Variants in NIPSNAP3B observed in about 807,000 individuals in gnomAD.
NIPSNAP3B encodes the protein nipsnap homolog 3B.
Under a neutral mutation model 31.5 loss-of-function variants are expected in NIPSNAP3B, and 30 were observed. That is an observed-to-expected ratio of 0.95 (90% CI 0.71 to 1.29). NIPSNAP3B has a LOEUF of 1.29. NIPSNAP3B is among the 50% of genes most tolerant of loss of function. NIPSNAP3B has a pLI of 0.00. For synonymous variants in NIPSNAP3B, 106 were observed against 107.9 expected, an observed-to-expected ratio of 0.98 and a Z score of 0.11; for missense variants, 269 against 300.7, an observed-to-expected ratio of 0.89 and a Z score of 0.78.
chr9:104,770,887 G>T lies in NIPSNAP3B; in HGVS notation c.469G>T (p.Gly157Trp). The T allele has an allele frequency of 6.2e-7, 1 of 1,613,676 alleles. No individual in the cohort carries two copies. ...ELAVFQMKPGGPALWGDAFER... is the reference protein window; with the variant it reads ...ELAVFQMKPGWPALWGDAFER... ...AGCTGTTTTTCAGATGAAACCTGGT[G>T]GGCCAGCTCTGTGGGGTGATGCATT... Residue 157 changes from glycine to tryptophan, a missense_variant, in exon 4 of 6, where the codon GGG (glycine) becomes TGG (tryptophan). Coordinates refer to ENST00000374762, the MANE Select transcript of NIPSNAP3B (RefSeq NM_018376.4).
At chr9:104,789,037 T>C in the NIPSNAP3B span, among the ~76,000 whole-genome samples, 2 of 152,240 alleles carry the variant, frequency 1.3e-5, no homozygotes, top group Non-Finnish European at 2.9e-5. Flanking sequence ...TGGGGTTCTA[T>C]GAAGCCAGTC....
the NIPSNAP3B span, among the ~76,000 whole-genome samples, chr9:104,790,273 A>C: frequency 6.6e-6 from 1 of 152,188 alleles, no homozygotes; most frequent in African/African-American, 2.4e-5. Flanking sequence ...AGAGAGGGCA[A>C]TTTACTTTGT....
downstream of NIPSNAP3B, among the ~76,000 whole-genome samples, chr9:104,779,917 G>C (rs1828433689): frequency 6.6e-6 from 1 of 152,170 alleles, no homozygotes; most frequent in Admixed American, 6.5e-5. Flanking sequence ...TGTAGTACCA[G>C]CTACTTGGGA....
chr9:104,779,621 G>GGTT (rs1828415386), downstream of NIPSNAP3B, among the ~76,000 whole-genome samples: 1 of 147,144 alleles, frequency 6.8e-6, no homozygotes. Flanking sequence ...AGCTAAGTGG[G>GGTT]TTTTTTTTTT....
In NIPSNAP3B at chr9:104,777,403, T is replaced by C. The variant is rs1828359221; in HGVS notation, c.*4330T>C. 1.3e-5 allele frequency: 2 copies of C among 152,256 alleles called. No homozygotes were observed. The highest frequency in any genetic ancestry group is 4.8e-5 in the African/African-American group (2 of 41,464). The allele number at this position is 152,256 out of a possible 1,614,324, so 9.4% of individuals were successfully genotyped here. A position where few individuals can be genotyped will look rare whatever the true frequency, so the allele number is the denominator to read the frequency against. ...CATAACTGCTGTCACCTAGAATGTCTATTCTCTAAGCACCTTCTTGAAAGA... is the reference window on the plus strand; with the variant it reads ...CATAACTGCTGTCACCTAGAATGTCCATTCTCTAAGCACCTTCTTGAAAGA... On this transcript the variant is annotated 3_prime_UTR_variant, in exon 6 of 6. Coordinates refer to ENST00000374762, the MANE Select transcript of NIPSNAP3B (RefSeq NM_018376.4).
rs137948744 is a variant in NIPSNAP3B, at chr9:104,772,184, T to C, written c.581-638T>C. On this transcript the variant is annotated intron_variant, in intron 4 of 5. Coordinates refer to ENST00000374762, the MANE Select transcript of NIPSNAP3B (RefSeq NM_018376.4). ...TCTCCCATTCTGGAGGTTGTCTGTT[T>C]ACTCTGTTGACAGTTTTTTTTTTGT... Among the ~76,000 whole-genome samples the C allele has an allele frequency of 7.4e-3, 1,130 of 151,762 alleles. 11 individuals carry two copies. The highest frequency in any genetic ancestry group is 0.026 in the African/African-American group (1,083 of 41,418).
At chr9:104,786,858 G>A in the NIPSNAP3B span, 1 of 1,605,470 alleles carries the variant, frequency 6.2e-7, no homozygotes. Context: ...AGGAACCCAA[G>A]ACTTTACTAC....
chr9:104,774,462 C>T lies in NIPSNAP3B; in HGVS notation c.*1389C>T, dbSNP rs1054843464. ...TGAGGCACAAGTATGTGGTTAACTA[C>T]ACATAAATTACCAATAAAATTAAAA... On this transcript the variant is annotated 3_prime_UTR_variant, in exon 6 of 6. Coordinates refer to ENST00000374762, the MANE Select transcript of NIPSNAP3B (RefSeq NM_018376.4). Among the ~76,000 whole-genome samples the T allele has an allele frequency of 6.6e-6, 1 of 152,178 alleles. No individual in the cohort carries two copies. The highest frequency in any genetic ancestry group is 1.5e-5 in the Non-Finnish European group (1 of 68,044).
chr9:104,790,120 C>G, the NIPSNAP3B span, among the ~76,000 whole-genome samples: 1 of 151,014 alleles, frequency 6.6e-6, no homozygotes, highest in Non-Finnish European at 1.5e-5. Context: ...CCCAGAGAAG[C>G]CCCACATATT....
rs1484279366 is a variant in NIPSNAP3B at position 104,774,129 on chromosome 9, C to T, written c.*1056C>T. 3 of 152,140 alleles carry T rather than the reference C, an allele frequency of 2.0e-5. No individual in the cohort carries two copies. The highest frequency in any genetic ancestry group is 4.4e-5 in the Non-Finnish European group (3 of 68,028). The allele number at this position is 152,140 out of a possible 1,614,324, so 9.4% of individuals were successfully genotyped here. On this transcript the variant is annotated 3_prime_UTR_variant, in exon 6 of 6. Coordinates refer to ENST00000374762, the MANE Select transcript of NIPSNAP3B (RefSeq NM_018376.4). ...TATATTTACAGCTATATTATATTTACATTTTTACAGACTATCTTCTGATAA... is the reference window on the plus strand; with the variant it reads ...TATATTTACAGCTATATTATATTTATATTTTTACAGACTATCTTCTGATAA...
Position 104,764,192 on chromosome 9 carries a change from TCTCACAAAG to T in NIPSNAP3B, c.-48_-40del. 6.5e-7 allele frequency: 1 copy of T among 1,549,078 alleles called. No individual in the cohort carries two copies. Among genetic ancestry groups the T allele is most frequent in the East Asian group, 2.3e-5 (1 of 42,950 alleles). On this transcript the variant is annotated 5_prime_UTR_variant, in exon 1 of 6. Coordinates refer to ENST00000374762, the MANE Select transcript of NIPSNAP3B (RefSeq NM_018376.4). ...TCCACTCGGGAAGACTTCAGAGAAG[TCTCACAAAG>T]GACTCGGCTGGCTGCTTTTCTCAGT...
At chr9:104,770,687 A>G (rs1242647154) in intron 3 of NIPSNAP3B, among the ~76,000 whole-genome samples, 162 bp from the exon 4 acceptor site, 1 of 152,256 alleles carries the variant, frequency 6.6e-6, no homozygotes, top group Non-Finnish European at 1.5e-5. Flanking sequence ...ACATAAAAGC[A>G]AAGAAAAATA....
rs1375419142 is a variant in NIPSNAP3B at position 104,773,918 on chromosome 9, T to C, written c.*845T>C. 2 of 152,312 alleles carry C rather than the reference T, an allele frequency of 1.3e-5. No homozygotes were observed. Among genetic ancestry groups the C allele is most frequent in the East Asian group, 1.9e-4 (1 of 5,190 alleles). 9.4% of individuals were successfully genotyped at this position (152,312 alleles called of 1,614,324 possible). A position where few individuals can be genotyped will look rare whatever the true frequency, so the allele number is the denominator to read the frequency against. On this transcript the variant is annotated 3_prime_UTR_variant, in exon 6 of 6. Coordinates refer to ENST00000374762, the MANE Select transcript of NIPSNAP3B (RefSeq NM_018376.4). ...GCTATGTTGCTATAAGACAGTAATA[T>C]AGTGATAATTTACCAACTTTATTGA...
At chr9:104,778,237 A>G (rs577399339), downstream of NIPSNAP3B, among the ~76,000 whole-genome samples, 71 of 151,032 alleles carry the variant, frequency 4.7e-4, no homozygotes, top group Non-Finnish European at 9.0e-4. Context: ...TAACTTGCAC[A>G]CTTTTTTTTT....
chr9:104,786,248 A>AT, the NIPSNAP3B span: 5 of 1,420,946 alleles, frequency 3.5e-6, no homozygotes, highest in Non-Finnish European at 4.0e-6. Flanking sequence ...AAAAGAATAA[A>AT]TATCAAGCCT....
At chr9:104,768,757 G>T (rs1828140289) in intron 2 of NIPSNAP3B, 106 bp from the exon 3 acceptor site, 13 of 850,624 alleles carry the variant, frequency 1.5e-5, no homozygotes, top group Non-Finnish European at 2.3e-5. Context: ...TAATAACATG[G>T]GGTTCCCATA....
the NIPSNAP3B span, chr9:104,785,585 C>T: frequency 6.2e-7 from 1 of 1,614,156 alleles, no homozygotes; most frequent in Non-Finnish European, 8.5e-7. Flanking sequence ...GGACAGGCTT[C>T]AGGTCCGGGT....
chr9:104,771,527 G>A (rs10120882), intron 4 of NIPSNAP3B, among the ~76,000 whole-genome samples: 3,613 of 152,194 alleles, frequency 0.024, 164 homozygotes, highest in East Asian at 0.22. Context: ...CTACATCCAT[G>A]TTCCCACAAA....
chr9:104,780,720 G>A (rs1291012181), downstream of NIPSNAP3B, among the ~76,000 whole-genome samples: 1 of 152,178 alleles, frequency 6.6e-6, no homozygotes, highest in East Asian at 1.9e-4. Context: ...CTCAGCTACA[G>A]AGCATTTTCA....
Sources: allele counts gnomAD v4.1 joint callset (sites outside exome capture counted in the v4.1 genomes callset), GRCh38; gene constraint gnomAD v4.1.1; transcripts MANE v1.5; gene names NCBI Gene and HGNC (gene_info 2026-07-23, HGNC 2026-07-21).